Variants in PAPOLA observed in about 807,000 individuals in gnomAD.
PAPOLA encodes poly(A) polymerase alpha.
A neutral mutation model predicts 100.6 loss-of-function variants in PAPOLA; 15 were observed. That is an observed-to-expected ratio of 0.15 (90% CI 0.10 to 0.23). PAPOLA has a LOEUF of 0.23. Among genes scored for constraint, PAPOLA ranks in the 10% least tolerant of loss-of-function variants. The pLI, the probability that PAPOLA is intolerant of heterozygous loss-of-function variation, is 1.00. For missense variants in PAPOLA, 533 were observed against 884.2 expected, an observed-to-expected ratio of 0.60 and a Z score of 5.04; for synonymous variants, 293 against 300.0, an observed-to-expected ratio of 0.98 and a Z score of 0.24.
At chr14:96,544,073 T>G in intron 14 of PAPOLA, 76 bp from the exon 15 acceptor site, 1 of 794,464 alleles carries the variant, frequency 1.3e-6, no homozygotes, top group Non-Finnish European at 2.2e-6. Flanking sequence ...TTTTTCCATG[T>G]CTCTGATTGT....
intron 17 of PAPOLA, among the ~76,000 whole-genome samples, chr14:96,554,297 T>G (rs542022127): frequency 6.6e-6 from 1 of 152,238 alleles, no homozygotes; most frequent in Non-Finnish European, 1.5e-5. Context: ...CATCTGTGGT[T>G]GTTCTCTGGC....
intron 16 of PAPOLA, among the ~76,000 whole-genome samples, chr14:96,549,981 C>T (rs565426244): frequency 6.6e-5 from 10 of 152,120 alleles, no homozygotes; most frequent in South Asian, 4.2e-4. Flanking sequence ...AGCAAGACTC[C>T]GTCTCTAAAA....
intron 14 of PAPOLA, among the ~76,000 whole-genome samples, 178 bp downstream of exon 14, chr14:96,543,071 T>G (rs559570565): frequency 6.6e-6 from 1 of 152,292 alleles, no homozygotes; most frequent in South Asian, 2.1e-4. Context: ...AAAGACTGTT[T>G]CGTGAGAAAA....
intron 7 of PAPOLA, 104 bp downstream of exon 7, chr14:96,531,690 A>G (rs1431494864): frequency 5.2e-6 from 8 of 1,525,298 alleles, no homozygotes; most frequent in Non-Finnish European, 6.2e-6. Context: ...TATTGTTAAC[A>G]CAGTAGTGAG....
chr14:96,515,573 G>A (rs1444265085), intron 1 of PAPOLA, among the ~76,000 whole-genome samples: 2 of 152,300 alleles, frequency 1.3e-5, no homozygotes, highest in East Asian at 3.9e-4. Flanking sequence ...AGTAACTTTT[G>A]TATTTTTATA....
intron 14 of PAPOLA, 55 bp downstream of exon 14, chr14:96,542,948 A>G (rs2045721009): frequency 6.3e-7 from 1 of 1,585,194 alleles, no homozygotes; most frequent in African/African-American, 1.4e-5. Context: ...TTATTCATAG[A>G]AGCTTTTACA....
At chr14:96,563,154 C>G (rs924271753) in intron 21 of PAPOLA, among the ~76,000 whole-genome samples, 3 of 152,232 alleles carry the variant, frequency 2.0e-5, no homozygotes. Context: ...TAAATTCTCA[C>G]TAGTCATTTA....
At chr14:96,528,500 G>A (rs1898692413) in intron 6 of PAPOLA, among the ~76,000 whole-genome samples, 1 of 152,192 alleles carries the variant, frequency 6.6e-6, no homozygotes, top group East Asian at 1.9e-4. Flanking sequence ...GAATAAAGTT[G>A]ACAGTGAAGC....
intron 10 of PAPOLA, 100 bp from the exon 11 acceptor site, chr14:96,535,779 T>TA: frequency 1.9e-6 from 2 of 1,077,928 alleles, no homozygotes; most frequent in Non-Finnish European, 2.5e-6. Flanking sequence ...ATGAATGAAA[T>TA]AAAAAATAGA....
At chr14:96,550,114 AC>A (rs1470660219) in intron 16 of PAPOLA, among the ~76,000 whole-genome samples, 1 of 152,266 alleles carries the variant, frequency 6.6e-6, no homozygotes, top group Non-Finnish European at 1.5e-5. Context: ...ATGCCATTGC[AC>A]TTCAGTCTGA....
intron 3 of PAPOLA, among the ~76,000 whole-genome samples, chr14:96,522,876 C>T (rs1015609576): frequency 2.6e-5 from 4 of 151,954 alleles, no homozygotes; most frequent in Non-Finnish European, 5.9e-5. Context: ...GTACAAAATC[C>T]GTGTTTAATC....
intron 6 of PAPOLA, among the ~76,000 whole-genome samples, chr14:96,529,109 A>G (rs1441903584): frequency 4.6e-5 from 7 of 152,190 alleles, no homozygotes; most frequent in South Asian, 2.1e-4. Context: ...TATACATGCT[A>G]TATTAAAAAA....
intron 7 of PAPOLA, 106 bp downstream of exon 7, chr14:96,531,692 AG>A: frequency 6.6e-7 from 1 of 1,523,472 alleles, no homozygotes; most frequent in Non-Finnish European, 8.8e-7. Context: ...TTGTTAACAC[AG>A]TAGTGAGTTA....
intron 1 of PAPOLA, among the ~76,000 whole-genome samples, chr14:96,518,105 T>C (rs1897619392): frequency 6.6e-6 from 1 of 152,226 alleles, no homozygotes; most frequent in Non-Finnish European, 1.5e-5. Flanking sequence ...TAATGTGAAT[T>C]AATTTCTGCA....
At chr14:96,537,119 C>A in intron 12 of PAPOLA, 59 bp downstream of exon 12, 1 of 890,084 alleles carries the variant, frequency 1.1e-6, no homozygotes, top group South Asian at 1.3e-5. Context: ...TTAATGGTAG[C>A]ACATTATGAC....
intron 11 of PAPOLA, 145 bp from the exon 12 acceptor site, chr14:96,536,831 A>G (rs2140294409): frequency 5.2e-6 from 3 of 579,232 alleles, no homozygotes; most frequent in Non-Finnish European, 6.3e-6. Flanking sequence ...ATATAAGAGT[A>G]TGCTCTAAAA....
chr14:96,533,833 G>A (rs1389217365), intron 9 of PAPOLA: 41 of 972,438 alleles, frequency 4.2e-5, no homozygotes, highest in African/African-American at 3.2e-4. Context: ...GATTACAGGC[G>A]TGAGCCACCG....
At chr14:96,543,004 CT>C in intron 14 of PAPOLA, 111 bp downstream of exon 14, 2 of 1,052,852 alleles carry the variant, frequency 1.9e-6, no homozygotes, top group Non-Finnish European at 2.8e-6. Context: ...CTACATATGG[CT>C]TATAGACAAT....
chr14:96,509,931 G>A (rs1288215369), intron 1 of PAPOLA, among the ~76,000 whole-genome samples: 8 of 141,462 alleles, frequency 5.7e-5, no homozygotes, highest in African/African-American at 1.1e-4. Flanking sequence ...CTTAGACGCC[G>A]CTTTGTTGTG....
Sources: gnomAD v4.1 joint callset for allele counts (sites outside exome capture counted in the v4.1 genomes callset) on GRCh38, gnomAD v4.1.1 for gene constraint, MANE v1.5 for transcripts, NCBI Gene and HGNC (gene_info 2026-07-23, HGNC 2026-07-21) for gene names.